The following FILIP1 variants were observed in gnomAD, a reference collection of about 807,000 sequenced individuals.
The protein encoded by FILIP1 is filamin A interacting protein 1.
Under a neutral mutation model 102.1 loss-of-function variants are expected in FILIP1, and 61 were observed. That is an observed-to-expected ratio of 0.60 (90% CI 0.49 to 0.74). The LOEUF is 0.74. FILIP1 is among the 30% of genes least tolerant of loss of function. The pLI is 0.00. For synonymous variants in FILIP1, 491 were observed against 526.9 expected (o/e 0.93, Z 0.93); for missense variants, 1,314 against 1,441.2 (o/e 0.91, Z 1.43).
intron 1 of FILIP1, among the ~76,000 whole-genome samples, chr6:75,417,703 T>C (rs1777315710): frequency 6.6e-6 from 1 of 152,196 alleles, no homozygotes; most frequent in South Asian, 2.1e-4. Context: ...GGTTTATAGA[T>C]GAAGCTACTG....
At chr6:75,397,590 A>T (rs75051107) in intron 2 of FILIP1, among the ~76,000 whole-genome samples, 1 of 150,590 alleles carries the variant, frequency 6.6e-6, no homozygotes, top group East Asian at 1.9e-4. Flanking sequence ...GTATACATAT[A>T]TATATATATA....
At chr6:75,291,946 C>T (rs1049937889) in exon 7 of FILIP1, 2 of 152,198 alleles carry the variant, frequency 1.3e-5, no homozygotes, top group Non-Finnish European at 2.9e-5. Flanking sequence ...TTATTTTTCT[C>T]ACACTAGTGA....
chr6:75,358,860 C>A (rs1441496408), intron 3 of FILIP1, among the ~76,000 whole-genome samples: 1 of 148,172 alleles, frequency 6.7e-6, no homozygotes, highest in East Asian at 2.0e-4. Context: ...GTAGCTGGGA[C>A]CACAGGCGCG....
In FILIP1 at chr6:75,493,410, T is replaced by C. The variant is rs1471063381; in HGVS notation, c.-7+4A>G. ...GAGTAAGTATTTATTTATTTTGGTC[T>C]TACCTGACGGCAGCTCCTTTAACCA... is the stretch of plus-strand genomic sequence containing the variant. On this transcript the variant is annotated splice_donor_region_variant and intron_variant, in intron 1 of 5. Transcript: ENST00000237172. 2.0e-5 allele frequency: 3 copies of C among 152,258 alleles called. No homozygotes were observed. The East Asian group carries it at 5.8e-4, about 29-fold the overall frequency. The allele number at this position is 152,258 out of a possible 1,614,324, so 9.4% of individuals were successfully genotyped here. A position where few individuals can be genotyped will look rare whatever the true frequency, so the allele number is the denominator to read the frequency against.
At chr6:75,317,633 T>C (rs937098957) in intron 4 of FILIP1, among the ~76,000 whole-genome samples, 1 of 152,182 alleles carries the variant, frequency 6.6e-6, no homozygotes, top group African/African-American at 2.4e-5. Context: ...TAGAGCGTGA[T>C]CTCAGCAGGA....
At chr6:75,490,544 G>A (rs1779924387) in intron 1 of FILIP1, among the ~76,000 whole-genome samples, 2 of 151,950 alleles carry the variant, frequency 1.3e-5, no homozygotes, top group African/African-American at 4.8e-5. Context: ...TAAATGAATT[G>A]TACCAAAAGT....
At chr6:75,419,685 C>T (rs773342298) in intron 1 of FILIP1, among the ~76,000 whole-genome samples, 3 of 152,074 alleles carry the variant, frequency 2.0e-5, no homozygotes, top group Non-Finnish European at 4.4e-5. Context: ...AAAAAGAAAA[C>T]ATCTGTTCTA....
chr6:75,439,663 T>C (rs1778141893), intron 1 of FILIP1, among the ~76,000 whole-genome samples: 1 of 152,182 alleles, frequency 6.6e-6, no homozygotes, highest in Admixed American at 6.5e-5. Context: ...GTTAGAAATA[T>C]TTATGTACCA....
rs752450803 is a variant in FILIP1 at position 75,313,824 on chromosome 6, C to G, written c.2008G>C (p.Glu670Gln). 2.5e-6 allele frequency: 4 copies of G among 1,613,686 alleles called. No individual in the cohort carries two copies. The highest frequency in any genetic ancestry group is 1.1e-5 in the South Asian group (1 of 90,990). The change falls in exon 5 of 6, where the codon GAG becomes CAG. Residue 670 changes from glutamate to glutamine, a missense_variant. By Grantham distance (29) the Glu-to-Gln change is conservative. Transcript: ENST00000237172. This position sits in a 1 kb window ranked among gnomAD's most constrained non-coding sequence, Gnocchi z 4.2. ...GAGAGGAAGTTAGCCTTATCCTGCTCAGTTCTAAATTTCTGTTCCAGCTGA... is the reference window on the plus strand; with the variant it reads ...GAGAGGAAGTTAGCCTTATCCTGCTGAGTTCTAAATTTCTGTTCCAGCTGA... ...YDQLEQKFRT[E>Q]QDKANFLSQQ...
intron 1 of FILIP1, among the ~76,000 whole-genome samples, chr6:75,451,996 A>G (rs1778648847): frequency 6.6e-6 from 1 of 152,080 alleles, no homozygotes; most frequent in African/African-American, 2.4e-5. Context: ...AGTTGTATAA[A>G]GAGGTTTAAT....
At chr6:75,405,386 A>AAAC (rs924312416) in intron 2 of FILIP1, among the ~76,000 whole-genome samples, 6 of 152,152 alleles carry the variant, frequency 3.9e-5, no homozygotes, top group East Asian at 1.9e-4. Flanking sequence ...TGGCTATGTA[A>AAAC]AACAACAACA....
chr6:75,491,259 A>G (rs2149789700), intron 1 of FILIP1, among the ~76,000 whole-genome samples: 1 of 152,226 alleles, frequency 6.6e-6, no homozygotes, highest in Admixed American at 6.5e-5. Flanking sequence ...GGGTATTGAA[A>G]TGTTCACTGA....
chr6:75,338,259 C>T, intron 4 of FILIP1, among the ~76,000 whole-genome samples: 1 of 152,078 alleles, frequency 6.6e-6, no homozygotes. Context: ...CACATTCAGC[C>T]CCTGAATAAT....
chr6:75,474,945 G>T (rs1165994702), intron 1 of FILIP1, among the ~76,000 whole-genome samples: 1 of 151,808 alleles, frequency 6.6e-6, no homozygotes, highest in African/African-American at 2.4e-5. Flanking sequence ...TCCTGCTCTG[G>T]CCATGTGACA....
intron 1 of FILIP1, among the ~76,000 whole-genome samples, chr6:75,475,873 G>A (rs1352179322): frequency 1.3e-5 from 2 of 152,166 alleles, no homozygotes; most frequent in African/African-American, 2.4e-5. Context: ...ATGGTAGGAA[G>A]CACTCAATAA....
rs77595141 is a variant in FILIP1 at position 75,298,398 on chromosome 6, T to C, written c.3494-2448A>G. ...TGTACATAAACTTTATTTAAAAGAA[T>C]ACAATTAAGCCCAAATTATGTTGTT... is the stretch of plus-strand genomic sequence containing the variant. On this transcript the variant is annotated intron_variant, in intron 6 of 6. Coordinates refer to the FILIP1 transcript ENST00000393004. Among the ~76,000 whole-genome samples the C allele has an allele frequency of 7.2e-5, 11 of 152,344 alleles. No homozygotes were observed. The East Asian group carries it at 7.7e-4, about 11-fold the overall frequency.
chr6:75,378,634 C>A (rs1775814030), intron 2 of FILIP1, among the ~76,000 whole-genome samples: 1 of 152,172 alleles, frequency 6.6e-6, no homozygotes, highest in African/African-American at 2.4e-5. Context: ...CACAACTCTT[C>A]TACTTTTTTC....
In FILIP1 at chr6:75,311,468, C is replaced by A. The variant is rs148577280; in HGVS notation, c.3435+929G>T. On this transcript the variant is annotated intron_variant, in intron 5 of 5. Transcript: ENST00000237172. ...TGCTTTTCAATAATCATTCATTTAG[C>A]CTTCCAGCTAGTTTGTTTGTTTGTT... 6.0e-3 allele frequency among the ~76,000 whole-genome samples: 895 copies of A among 150,084 alleles called. 5 individuals are homozygous for A. Among genetic ancestry groups the A allele is most frequent in the South Asian group, 0.057 (270 of 4,746 alleles).
chr6:75,338,366 C>T (rs1774310579), intron 4 of FILIP1, among the ~76,000 whole-genome samples: 2 of 152,170 alleles, frequency 1.3e-5, no homozygotes, highest in African/African-American at 4.8e-5. Flanking sequence ...CTTTTCTGCT[C>T]AAACTTTTCA....
Sources: gnomAD v4.1 joint callset for allele counts (sites outside exome capture counted in the v4.1 genomes callset) on GRCh38, gnomAD v4.1.1 for gene constraint, Gnocchi (gnomAD v3.1) non-coding constraint, MANE v1.5 for transcripts, NCBI Gene and HGNC (gene_info 2026-07-23, HGNC 2026-07-21) for gene names.